PIGG: variants seen among roughly 807,000 people sequenced by gnomAD.
PIGG encodes phosphatidylinositol glycan anchor biosynthesis class G (EMM blood group), also known as GPI ethanolamine phosphate transferase 2, catalytic subunit.
A neutral mutation model predicts 83.2 loss-of-function variants in PIGG; 70 were observed. That is an observed-to-expected ratio of 0.84 (90% CI 0.69 to 1.03). PIGG has a LOEUF of 1.03. PIGG is among the 50% of genes least tolerant of loss of function. The pLI, the probability that PIGG is intolerant of heterozygous loss-of-function variation, is 0.00. For synonymous variants in PIGG, 532 were observed against 519.5 expected, an observed-to-expected ratio of 1.02 and a Z score of -0.33; for missense variants, 1,257 against 1,233.6, an observed-to-expected ratio of 1.02 and a Z score of -0.28.
intron 4 of PIGG, 123 bp from the exon 5 acceptor site, chr4:508,706 T>C: frequency 1.2e-6 from 1 of 823,282 alleles, no homozygotes; most frequent in East Asian, 2.5e-5. Flanking sequence ...GAAAAAAAAA[T>C]CTAATTCATT....
At chr4:535,644 C>T (rs543555056) in intron 12 of PIGG, among the ~76,000 whole-genome samples, 3 of 152,138 alleles carry the variant, frequency 2.0e-5, no homozygotes, top group African/African-American at 7.2e-5. Flanking sequence ...ATGACTGAAC[C>T]GTCGCTCTCG....
At chr4:513,578 C>T (rs1341268467) in intron 5 of PIGG, among the ~76,000 whole-genome samples, 1 of 152,100 alleles carries the variant, frequency 6.6e-6, no homozygotes. Context: ...ATGTTTGACC[C>T]TGTTTGTTGT....
At position 521,172 on chromosome 4, in the gene PIGG, C is replaced by T. The variant is rs780498908; in HGVS notation, c.1231C>T (p.Gln411Ter). 5 of 1,613,850 alleles carry T rather than the reference C, an allele frequency of 3.1e-6. No individual in the cohort carries two copies. Among genetic ancestry groups the T allele is most frequent in the Non-Finnish European group, 4.2e-6 (5 of 1,179,778 alleles). ...CAACCTGGGCTCCAAGGTTCTCAGG[C>T]AGTACCTGGATGCTCTGAAGACGCT... is the stretch of plus-strand genomic sequence containing the variant. ...LFNLGSKVLR[Q>*]YLDALKTLSL... Residue 411 changes from glutamine to a stop codon, truncating the protein, a stop_gained, in exon 7 of 13, where the codon CAG becomes TAG. Coordinates refer to ENST00000453061, the MANE Select transcript of PIGG (RefSeq NM_001127178.3). LOFTEE classifies it high-confidence loss of function.
intron 2 of PIGG, chr4:500,970 C>G: frequency 2.6e-6 from 1 of 389,714 alleles, no homozygotes. Flanking sequence ...AGTCTCTAGA[C>G]TTTATAGATA....
chr4:531,308 G>A (rs1405953716), intron 11 of PIGG: 1 of 166,372 alleles, frequency 6.0e-6, no homozygotes, highest in Admixed American at 6.4e-5. Flanking sequence ...CAGGCCAGAT[G>A]GGGCCTCAGA....
rs781255742 is a variant in PIGG at position 523,965 on chromosome 4, C to G, written c.2069+52C>G. ...GCCAGACTTTCTACGGCCGATTGGT[C>G]ACCTGCCAAGCTCTTCTTTTTCTAA... On this transcript the variant is annotated intron_variant, in intron 9 of 12. Coordinates refer to ENST00000453061, the MANE Select transcript of PIGG (RefSeq NM_001127178.3). 3 of 1,163,942 alleles carry G rather than the reference C, an allele frequency of 2.6e-6. No homozygotes were observed. The African/African-American group carries it at 5.6e-5, about 22-fold the overall frequency. 72.1% of individuals were successfully genotyped at this position (1,163,942 alleles called of 1,614,324 possible).
intron 7 of PIGG, 50 bp from the exon 8 acceptor site, chr4:521,610 G>A: frequency 6.3e-7 from 1 of 1,575,494 alleles, no homozygotes; most frequent in African/African-American, 1.4e-5. Flanking sequence ...TTTTTAAGTG[G>A]GTTTCTCCAA....
chr4:512,591 T>C (rs13109444), intron 5 of PIGG, among the ~76,000 whole-genome samples: 135,162 of 151,806 alleles, frequency 0.89, 60,572 homozygotes, highest in East Asian at 1. Context: ...CCAAGGCGGG[T>C]GGATCACAAG....
At chr4:527,657 G>A in intron 10 of PIGG, 1 of 989,482 alleles carries the variant, frequency 1.0e-6, no homozygotes, top group Non-Finnish European at 1.2e-6. Flanking sequence ...CCAGCAGCTG[G>A]GAAATGAAGC....
intron 11 of PIGG, chr4:533,532 T>A (rs1198486733): frequency 1.0e-4 from 45 of 450,548 alleles, no homozygotes; most frequent in Non-Finnish European, 1.7e-4. Context: ...CCGGTCTGTG[T>A]GTGCGTCCCT....
At chr4:503,439 C>A (rs192414432) in intron 2 of PIGG, among the ~76,000 whole-genome samples, 2 of 152,314 alleles carry the variant, frequency 1.3e-5, no homozygotes, top group Non-Finnish European at 2.9e-5. Context: ...TATAGGCCCC[C>A]TTCCGTGTTC....
intron 3 of PIGG, chr4:506,952 C>T: frequency 2.8e-6 from 1 of 361,098 alleles, no homozygotes; most frequent in Non-Finnish European, 5.8e-6. Flanking sequence ...CATTTGCTCA[C>T]CTTCAGTTAT....
chr4:537,968 C>T (rs190786701), intron 12 of PIGG, among the ~76,000 whole-genome samples: 1 of 151,892 alleles, frequency 6.6e-6, no homozygotes, highest in East Asian at 1.9e-4. Context: ...GACTGAGGAG[C>T]CCTTTACAGG....
chr4:526,498 C>A (rs537875967), intron 9 of PIGG, among the ~76,000 whole-genome samples: 1 of 152,070 alleles, frequency 6.6e-6, no homozygotes, highest in African/African-American at 2.4e-5. Flanking sequence ...GACAGCAGAC[C>A]CTGTGAGGCC....
chr4:507,395 C>T lies in PIGG; in HGVS notation c.571-10C>T. The T allele has an allele frequency of 1.3e-6, 2 of 1,596,134 alleles. No homozygotes were observed. The highest frequency in any genetic ancestry group is 1.7e-6 in the Non-Finnish European group (2 of 1,167,624). On this transcript the variant is annotated splice_polypyrimidine_tract_variant and intron_variant, in intron 3 of 12. Coordinates refer to ENST00000453061, the MANE Select transcript of PIGG (RefSeq NM_001127178.3). ...GGTGAGTTGTTTATACGTGTGTTTC[C>T]CCTTCAAAGGTGGATAATAATGTCA...
intron 9 of PIGG, among the ~76,000 whole-genome samples, chr4:524,379 C>G (rs1180190464): frequency 2.0e-5 from 3 of 152,206 alleles, no homozygotes; most frequent in African/African-American, 7.2e-5. Flanking sequence ...CATCTTGGCT[C>G]TCAGCTCTGC....
At chr4:507,066 CAT>C (rs1277928487) in intron 3 of PIGG, among the ~76,000 whole-genome samples, 1 of 152,176 alleles carries the variant, frequency 6.6e-6, no homozygotes, top group Admixed American at 6.5e-5. Flanking sequence ...AGCCCAGAAA[CAT>C]AAAAACAATA....
chr4:522,357 G>A (rs539147037), intron 8 of PIGG: 1 of 343,370 alleles, frequency 2.9e-6, no homozygotes, highest in East Asian at 5.1e-5. Flanking sequence ...GTCAAAAGGA[G>A]ACTTGGTCGC....
At chr4:534,057 T>C in intron 12 of PIGG, 76 bp downstream of exon 12, 2 of 1,299,060 alleles carry the variant, frequency 1.5e-6, no homozygotes, top group Non-Finnish European at 2.2e-6. Flanking sequence ...TTGTTCCAGA[T>C]GCAAGGGGGT....
Sources: allele counts gnomAD v4.1 joint callset (sites outside exome capture counted in the v4.1 genomes callset), GRCh38; gene constraint gnomAD v4.1.1; transcripts MANE v1.5; gene names NCBI Gene and HGNC (gene_info 2026-07-23, HGNC 2026-07-21).